The following VAV2 variants were observed in gnomAD, a reference collection of about 807,000 sequenced individuals.
VAV2 encodes guanine nucleotide exchange factor VAV2.
In VAV2, 67 loss-of-function variants were observed where a neutral mutation model predicts 132.5. The ratio of observed to expected loss-of-function variants is 0.51; its 90% CI spans 0.42 to 0.62. The LOEUF is 0.62. Ranked by LOEUF, VAV2 falls within the 20% of genes least tolerant of loss-of-function variation. The pLI is 0.00. For synonymous variants in VAV2, 492 were observed against 443.5 expected, an observed-to-expected ratio of 1.11 and a Z score of -1.37; for missense variants, 938 against 1,153.6, an observed-to-expected ratio of 0.81 and a Z score of 2.71.
At chr9:133,871,421 G>A (rs1163310354) in intron 2 of VAV2, among the ~76,000 whole-genome samples, 2 of 149,644 alleles carry the variant, frequency 1.3e-5, no homozygotes, top group African/African-American at 5.0e-5. Flanking sequence ...TGGATGGATG[G>A]ACAGATGGAT....
intron 2 of VAV2, among the ~76,000 whole-genome samples, chr9:133,915,368 CA>C (rs1840039495): frequency 6.6e-6 from 1 of 152,226 alleles, no homozygotes; most frequent in South Asian, 2.1e-4. Flanking sequence ...GGGGATTCAG[CA>C]CGATCTGGCG....
chr9:133,764,184 G>T (rs1488764117), intron 29 of VAV2, 75 bp from the exon 30 acceptor site: 1 of 1,585,500 alleles, frequency 6.3e-7, no homozygotes, highest in African/African-American at 1.3e-5. Context: ...CTATGTTGGG[G>T]TGAGGGCAAG....
At position 133,861,402 on chromosome 9, in the gene VAV2, G is replaced by A; in HGVS notation, c.352C>T (p.His118Tyr). Residue 118 changes from histidine (H) to tyrosine (Y), a missense_variant, in exon 3 of 30, where the codon CAC becomes TAC. Transcript: ENST00000371850. Reference sequence around the variant, plus strand: ...ATCCCTTTGTTCTGCGCGATGCTGTGCAGGGAGAGCCTCGACACCGCGGAG... The same window carrying A: ...ATCCCTTTGTTCTGCGCGATGCTGTACAGGGAGAGCCTCGACACCGCGGAG... ...VISAVSRLSL[H>Y]SIAQNKGIRP... 6.2e-7 allele frequency: 1 copy of A among 1,613,608 alleles called. No individual in the cohort carries two copies. Among genetic ancestry groups the A allele is most frequent in the Non-Finnish European group, 8.5e-7 (1 of 1,179,854 alleles).
At chr9:133,878,911 G>A (rs1168563827) in intron 2 of VAV2, among the ~76,000 whole-genome samples, 6 of 152,194 alleles carry the variant, frequency 3.9e-5, no homozygotes. Context: ...TCCTCCGCAG[G>A]GGCAGAAACC....
chr9:133,867,489 A>T (rs1304699156), intron 2 of VAV2, among the ~76,000 whole-genome samples: 1 of 152,036 alleles, frequency 6.6e-6, no homozygotes, highest in African/African-American at 2.4e-5. Flanking sequence ...CCCCTCTCTG[A>T]CCCTCGTCAA....
chr9:133,904,188 G>A (rs1480596289), intron 2 of VAV2, among the ~76,000 whole-genome samples: 1 of 152,170 alleles, frequency 6.6e-6, no homozygotes, highest in African/African-American at 2.4e-5. Context: ...CCAAGCGCCA[G>A]GCTCTCCCCC....
chr9:133,878,159 G>A (rs115706776), intron 2 of VAV2, among the ~76,000 whole-genome samples: 2,473 of 152,310 alleles, frequency 0.016, 64 homozygotes, highest in African/African-American at 0.054. Flanking sequence ...GCCGGCCTGC[G>A]TCTCACAGAT....
In VAV2 at chr9:133,960,887, C is replaced by T. The variant is rs561750370; in HGVS notation, c.205-21668G>A. 1.6e-4 allele frequency among the ~76,000 whole-genome samples: 25 copies of T among 152,318 alleles called. No individual in the cohort carries two copies. In the South Asian group the frequency reaches 5.2e-3, roughly 32 times the overall value. ...CCAGGCTCCCCGGGGACAGAGCCAACGGGGCAGGAGGCCGTCATGGGAAGG... is the reference window on the plus strand; with the variant it reads ...CCAGGCTCCCCGGGGACAGAGCCAATGGGGCAGGAGGCCGTCATGGGAAGG... On this transcript the variant is annotated intron_variant, in intron 1 of 29. Transcript: ENST00000371850.
At chr9:133,810,052 G>T in intron 6 of VAV2, 139 bp downstream of exon 6, 1 of 1,257,636 alleles carries the variant, frequency 8.0e-7, no homozygotes, top group Non-Finnish European at 1.1e-6. Flanking sequence ...GGTCTCTGAT[G>T]CCTGAAGTCA....
chr9:133,783,571 TATCCCTG>T lies in VAV2; in HGVS notation c.1648_1654del (p.Gln550ThrfsTer17). On this transcript the variant is annotated frameshift_variant, in exon 19 of 30. Transcript: ENST00000371850. LOFTEE classifies it high-confidence loss of function. ...CCCGACGCCACACTTGGTACACATG[TATCCCTG>T]GTAGAAGGTGCCCCTGCACAGGGGA... 1 of 1,613,986 alleles carries T rather than the reference TATCCCTG, an allele frequency of 6.2e-7. No homozygotes were observed. Among genetic ancestry groups the T allele is most frequent in the Non-Finnish European group, 8.5e-7 (1 of 1,179,948 alleles).
intron 2 of VAV2, among the ~76,000 whole-genome samples, chr9:133,907,774 CAAAGAGAATG>C (rs1839715893): frequency 6.6e-6 from 1 of 152,236 alleles, no homozygotes; most frequent in South Asian, 2.1e-4. Flanking sequence ...CTGAAAGTAA[CAAAGAGAATG>C]CCAGTCATTG....
chr9:133,840,652 C>T lies in VAV2; in HGVS notation c.381-6312G>A, dbSNP rs900771105. Among the ~76,000 whole-genome samples, 3 of 152,228 alleles carry T rather than the reference C, an allele frequency of 2.0e-5. No homozygotes were observed. The highest frequency in any genetic ancestry group is 4.4e-5 in the Non-Finnish European group (3 of 68,048). On this transcript the variant is annotated intron_variant, in intron 3 of 29. Coordinates refer to ENST00000371850, the MANE Select transcript of VAV2 (RefSeq NM_001134398.2). The surrounding 1 kb of genome is among the most constrained non-coding windows in gnomAD (Gnocchi z 4.5). Reference sequence around the variant, plus strand: ...CTCCTGCTTCCAAAGAGCTCCTTCACTCTCCTCCCGTCCTTCCCCGGGGAA... The same window carrying T: ...CTCCTGCTTCCAAAGAGCTCCTTCATTCTCCTCCCGTCCTTCCCCGGGGAA...
At chr9:133,974,771 T>TGCACCCAGCACC (rs1189795537) in intron 1 of VAV2, among the ~76,000 whole-genome samples, 3 of 142,200 alleles carry the variant, frequency 2.1e-5, no homozygotes, top group Non-Finnish European at 4.7e-5. Context: ...GGTCACGCCC[T>TGCACCCAGCACC]GCACCCAGCA....
chr9:133,910,842 A>C (rs1024592877), intron 2 of VAV2, among the ~76,000 whole-genome samples: 3 of 150,998 alleles, frequency 2.0e-5, no homozygotes, highest in Non-Finnish European at 4.4e-5. Flanking sequence ...AAAAAAGAAA[A>C]AGAAAAAGAA....
At chr9:133,987,606 C>T (rs547012698) in intron 1 of VAV2, among the ~76,000 whole-genome samples, 47 of 152,342 alleles carry the variant, frequency 3.1e-4, no homozygotes, top group African/African-American at 1.1e-3. Context: ...CAAGCCTTTG[C>T]GTGGTGTCCA....
intron 2 of VAV2, among the ~76,000 whole-genome samples, chr9:133,901,345 C>T (rs372869351): frequency 2.6e-5 from 4 of 152,200 alleles, no homozygotes; most frequent in Admixed American, 2.0e-4. Flanking sequence ...ATGGTTATTC[C>T]CCGTTTGTGA....
intron 2 of VAV2, among the ~76,000 whole-genome samples, chr9:133,913,639 G>A (rs150316990): frequency 6.6e-6 from 1 of 152,328 alleles, no homozygotes; most frequent in African/African-American, 2.4e-5. Flanking sequence ...CACTCATCAC[G>A]GAACCTGCCA....
intron 2 of VAV2, among the ~76,000 whole-genome samples, chr9:133,891,413 GGGGATGGAGGGGGGA>G: frequency 1.8e-4 from 1 of 5,444 alleles, no homozygotes; most frequent in Non-Finnish European, 4.4e-4. Context: ...GAGATGGAGG[GGGGATGGAGGGGGGA>G]CGGAAGGGGA....
rs1835882483 is a variant in VAV2, at chr9:133,823,798, G to A, written c.449+10474C>T. Among the ~76,000 whole-genome samples, 1 of 152,200 alleles carries A rather than the reference G, an allele frequency of 6.6e-6. No homozygotes were observed. Among genetic ancestry groups the A allele is most frequent in the Admixed American group, 6.5e-5 (1 of 15,288 alleles). The stretch of plus-strand genomic sequence containing the variant: ...GAGTTGCTGTGACCGAATCAGTCCT[G>A]AAAGCACTCGAGTTTAACGAGGTAT... On this transcript the variant is annotated intron_variant, in intron 4 of 29. Coordinates refer to ENST00000371850, the MANE Select transcript of VAV2 (RefSeq NM_001134398.2). The surrounding 1 kb of genome is among the most constrained non-coding windows in gnomAD (Gnocchi z 5.5).
Sources: allele counts gnomAD v4.1 joint callset (sites outside exome capture counted in the v4.1 genomes callset), GRCh38; gene constraint gnomAD v4.1.1; non-coding constraint Gnocchi (gnomAD v3.1); transcripts MANE v1.5; gene names NCBI Gene and HGNC (gene_info 2026-07-23, HGNC 2026-07-21).